The following CMKLR2 variants were observed in gnomAD, a reference collection of about 807,000 sequenced individuals.
CMKLR2 encodes chemerin-like receptor 2.
CMKLR2 carries 18 observed loss-of-function variants against 23.0 expected under a neutral mutation model. The observed-to-expected ratio is 0.78, with a 90% CI of 0.54 to 1.16. The LOEUF (loss-of-function observed/expected upper bound fraction) is 1.16. Among genes scored for constraint, CMKLR2 ranks in the 50% most tolerant of loss-of-function variants. CMKLR2 has a pLI of 0.00. For missense variants in CMKLR2, 401 were observed against 412.7 expected (o/e 0.97, Z 0.25); for synonymous variants, 158 against 158.9 (o/e 0.99, Z 0.05).
intron 1 of CMKLR2, among the ~76,000 whole-genome samples, chr2:206,190,317 A>G (rs34927140): frequency 3.5e-4 from 54 of 152,146 alleles, no homozygotes; most frequent in Non-Finnish European, 6.2e-4. Flanking sequence ...AAGGGTTTGG[A>G]TTTTATTCCA....
chr2:206,189,410 A>G (rs1208830509), intron 1 of CMKLR2, among the ~76,000 whole-genome samples: 2 of 152,202 alleles, frequency 1.3e-5, no homozygotes, highest in Non-Finnish European at 2.9e-5. Context: ...TGAGGCAGGC[A>G]GATCACTTGA....
chr2:206,209,575 G>A (rs1559099733), intron 1 of CMKLR2, among the ~76,000 whole-genome samples: 1 of 151,354 alleles, frequency 6.6e-6, no homozygotes, highest in Non-Finnish European at 1.5e-5. Flanking sequence ...TTACCCCCAC[G>A]TGTCCATGTG....
At chr2:206,179,666 G>T (rs1481018111) in intron 1 of CMKLR2, among the ~76,000 whole-genome samples, 1 of 152,082 alleles carries the variant, frequency 6.6e-6, no homozygotes, top group Admixed American at 6.6e-5. Flanking sequence ...GTTTTTCTGG[G>T]TTAAGAAGAC....
intron 1 of CMKLR2, among the ~76,000 whole-genome samples, chr2:206,208,940 G>A (rs1001843445): frequency 6.6e-6 from 1 of 152,142 alleles, no homozygotes; most frequent in Non-Finnish European, 1.5e-5. Context: ...CAAAGTGTTG[G>A]GACTACAGGT....
At chr2:206,207,811 C>T (rs1043392943) in intron 1 of CMKLR2, among the ~76,000 whole-genome samples, 1 of 134,946 alleles carries the variant, frequency 7.4e-6, no homozygotes, top group African/African-American at 2.9e-5. Flanking sequence ...GGCGTGTTCT[C>T]GGCTCACCGC....
chr2:206,210,391 T>C (rs937840827), intron 1 of CMKLR2, among the ~76,000 whole-genome samples: 3 of 152,124 alleles, frequency 2.0e-5, no homozygotes, highest in Non-Finnish European at 4.4e-5. Flanking sequence ...CTTTATCCAG[T>C]CTATTATTGA....
intron 1 of CMKLR2, among the ~76,000 whole-genome samples, chr2:206,191,776 C>T (rs1006346132): frequency 6.6e-6 from 1 of 150,792 alleles, no homozygotes; most frequent in African/African-American, 2.4e-5. Flanking sequence ...TCAAGCAATC[C>T]TCTACCTCAG....
intron 1 of CMKLR2, among the ~76,000 whole-genome samples, chr2:206,197,548 G>A (rs1197707704): frequency 6.6e-6 from 1 of 152,144 alleles, no homozygotes; most frequent in Non-Finnish European, 1.5e-5. Flanking sequence ...AGGGTTCTGG[G>A]GATTCCATTT....
At chr2:206,183,968 G>A (rs904453716) in intron 1 of CMKLR2, among the ~76,000 whole-genome samples, 17 of 152,142 alleles carry the variant, frequency 1.1e-4, no homozygotes, top group Non-Finnish European at 1.5e-4. Context: ...ACAGAAACTG[G>A]TTGGCCTAAG....
chr2:206,178,669 T>G lies in CMKLR2; in HGVS notation c.-28-1394A>C, dbSNP rs866778016. Among the ~76,000 whole-genome samples the G allele has an allele frequency of 2.5e-4, 38 of 152,216 alleles. 1 individual carries two copies. The highest frequency in any genetic ancestry group is 5.8e-4 in the East Asian group (3 of 5,194). On this transcript the variant is annotated intron_variant, in intron 1 of 1. Transcript: ENST00000621141. ...GTTTTGTTTGTTTGTTTGTTTGTTT[T>G]TTTGAGACAACCTCCCGTTACAGAG...
chr2:206,203,995 T>A (rs1286253144), intron 1 of CMKLR2: 1 of 152,156 alleles, frequency 6.6e-6, no homozygotes, highest in Non-Finnish European at 1.5e-5. Flanking sequence ...ATTGTATGAA[T>A]GACAAAAGAT....
At chr2:206,195,425 A>G (rs1482088796) in intron 1 of CMKLR2, among the ~76,000 whole-genome samples, 1 of 152,218 alleles carries the variant, frequency 6.6e-6, no homozygotes, top group Non-Finnish European at 1.5e-5. Flanking sequence ...AAGTCTACCA[A>G]GAAAGCAAGC....
chr2:206,201,265 C>T (rs1689087010), intron 1 of CMKLR2, among the ~76,000 whole-genome samples: 1 of 152,206 alleles, frequency 6.6e-6, no homozygotes, highest in African/African-American at 2.4e-5. Flanking sequence ...GCAACACCTG[C>T]CCTGAACTTT....
At chr2:206,194,649 TGATCTTGAACCC>T (rs1688860546) in intron 1 of CMKLR2, among the ~76,000 whole-genome samples, 1 of 151,568 alleles carries the variant, frequency 6.6e-6, no homozygotes, top group South Asian at 2.1e-4. Context: ...TCGGCCAGGC[TGATCTTGAACCC>T]CTGGCCTCAA....
At chr2:206,192,094 C>T (rs1368858549) in intron 1 of CMKLR2, among the ~76,000 whole-genome samples, 3 of 151,184 alleles carry the variant, frequency 2.0e-5, no homozygotes, top group Non-Finnish European at 4.4e-5. Context: ...TTTCCCACCT[C>T]GGCCTCCCAA....
chr2:206,176,277 T>C lies in CMKLR2; in HGVS notation c.971A>G (p.Lys324Arg), dbSNP rs748259369. 1.9e-6 allele frequency: 3 copies of C among 1,614,172 alleles called. No homozygotes were observed. In the East Asian group the frequency reaches 6.7e-5, roughly 36 times the overall value. The change falls in exon 2 of 2, where the codon AAG (lysine) becomes AGG (arginine). Residue 324 changes from lysine (K) to arginine (R), a missense_variant. Physicochemically the swap from Lys to Arg is conservative, Grantham distance 26 (BLOSUM62 2). Coordinates refer to ENST00000621141, the MANE Select transcript of CMKLR2 (RefSeq NM_001389445.1). ...RFRSSVAEIL[K>R]YTLWEVSCSG... Reference sequence around the variant, plus strand: ...ACAGCTGACTTCCCACAGTGTGTACTTGAGTATCTCAGCAACTGAGGACCG... The same window carrying C: ...ACAGCTGACTTCCCACAGTGTGTACCTGAGTATCTCAGCAACTGAGGACCG...
At chr2:206,210,265 T>C (rs1482388941) in intron 1 of CMKLR2, among the ~76,000 whole-genome samples, 1 of 152,116 alleles carries the variant, frequency 6.6e-6, no homozygotes, top group Non-Finnish European at 1.5e-5. Flanking sequence ...TTTCTGTTCC[T>C]GTATTAGTCT....
At chr2:206,202,206 A>C (rs1374557926) in intron 1 of CMKLR2, among the ~76,000 whole-genome samples, 1 of 152,172 alleles carries the variant, frequency 6.6e-6, no homozygotes, top group Non-Finnish European at 1.5e-5. Context: ...ATGCAACCTT[A>C]AAGTGAGGGG....
intron 1 of CMKLR2, among the ~76,000 whole-genome samples, chr2:206,184,655 CT>C (rs1425094280): frequency 6.6e-6 from 1 of 151,738 alleles, no homozygotes; most frequent in Non-Finnish European, 1.5e-5. Context: ...TTCAACATAT[CT>C]TTTTTTTGGT....
Sources: gnomAD v4.1 joint callset for allele counts (sites outside exome capture counted in the v4.1 genomes callset) on GRCh38, gnomAD v4.1.1 for gene constraint, MANE v1.5 for transcripts, NCBI Gene and HGNC (gene_info 2026-07-23, HGNC 2026-07-21) for gene names.